Variants in NEK11 observed in about 807,000 individuals in gnomAD.
The protein encoded by NEK11 is NIMA related kinase 11.
In NEK11, 72 loss-of-function variants were observed where a neutral mutation model predicts 80.7. The ratio of observed to expected loss-of-function variants is 0.89; its 90% confidence interval spans 0.74 to 1.08. The LOEUF (loss-of-function observed/expected upper bound fraction) is 1.08. NEK11 is among the 50% of genes least tolerant of loss of function. The pLI is 0.00. For synonymous variants in NEK11, 251 were observed against 260.7 expected (o/e 0.96, Z 0.36); for missense variants, 764 against 763.6 (o/e 1.00, Z -0.01).
At chr3:131,324,394 A>AACTC (rs2096933390) in intron 17 of NEK11, among the ~76,000 whole-genome samples, 1 of 152,226 alleles carries the variant, frequency 6.6e-6, no homozygotes, top group Non-Finnish European at 1.5e-5. Context: ...CAGTCATGGG[A>AACTC]ACTCATCCTT....
chr3:131,074,972 A>G (rs1346636123), intron 3 of NEK11, among the ~76,000 whole-genome samples: 1 of 152,122 alleles, frequency 6.6e-6, no homozygotes, highest in East Asian at 1.9e-4. Context: ...GGCACATAGA[A>G]GATAGTTAAT....
At chr3:131,154,706 T>C (rs2149836752) in intron 9 of NEK11, among the ~76,000 whole-genome samples, 1 of 152,294 alleles carries the variant, frequency 6.6e-6, no homozygotes, top group East Asian at 1.9e-4. Flanking sequence ...CCTGGGAGTG[T>C]AGATACTGTC....
intron 4 of NEK11, among the ~76,000 whole-genome samples, chr3:131,083,453 G>A (rs1055680225): frequency 6.6e-6 from 1 of 152,230 alleles, no homozygotes; most frequent in Non-Finnish European, 1.5e-5. Context: ...GACTCCTGAG[G>A]AGTGACTTGC....
At chr3:131,325,877 A>T (rs988881037) in intron 17 of NEK11, 6 of 152,242 alleles carry the variant, frequency 3.9e-5, no homozygotes, top group African/African-American at 1.4e-4. Context: ...TTATGAAAAC[A>T]TACAGTTAGC....
intron 16 of NEK11, among the ~76,000 whole-genome samples, chr3:131,267,766 C>A (rs925398444): frequency 5.9e-5 from 9 of 152,088 alleles, no homozygotes; most frequent in African/African-American, 1.7e-4. Context: ...TTGCTCTTCT[C>A]GAGGAGTATC....
intron 4 of NEK11, among the ~76,000 whole-genome samples, chr3:131,096,871 G>A (rs1423292825): frequency 1.4e-5 from 2 of 141,402 alleles, no homozygotes; most frequent in African/African-American, 5.3e-5. Context: ...ATCTCCTAAT[G>A]CTATCCCTCC....
chr3:131,087,563 G>A (rs1447274219), intron 4 of NEK11, among the ~76,000 whole-genome samples: 1 of 152,010 alleles, frequency 6.6e-6, no homozygotes, highest in Non-Finnish European at 1.5e-5. Flanking sequence ...ACCACTAATA[G>A]GCCTGCTAGT....
intron 14 of NEK11, among the ~76,000 whole-genome samples, chr3:131,191,020 T>C (rs963820511): frequency 1.3e-5 from 2 of 152,196 alleles, no homozygotes; most frequent in Non-Finnish European, 2.9e-5. Context: ...CCTCTTCACA[T>C]TGTTATAATT....
intron 15 of NEK11, among the ~76,000 whole-genome samples, chr3:131,238,719 A>G (rs2095474435): frequency 1.3e-5 from 2 of 152,138 alleles, no homozygotes; most frequent in Admixed American, 6.6e-5. Context: ...GGAAAGCTCC[A>G]GGTCATGAAA....
intron 14 of NEK11, among the ~76,000 whole-genome samples, chr3:131,215,271 T>G (rs6807331): frequency 1.1e-5 from 1 of 88,712 alleles, no homozygotes; most frequent in East Asian, 4.5e-4. Flanking sequence ...CGGGGCCTGT[T>G]GTGGGGCGGG....
chr3:131,222,141 T>C (rs1454652495), intron 14 of NEK11, among the ~76,000 whole-genome samples: 1 of 152,316 alleles, frequency 6.6e-6, no homozygotes, highest in African/African-American at 2.4e-5. Context: ...ATGACCTTTC[T>C]GAAATGGTTT....
At chr3:131,252,716 C>T (rs2095732072) in intron 16 of NEK11, among the ~76,000 whole-genome samples, 1 of 152,078 alleles carries the variant, frequency 6.6e-6, no homozygotes, top group East Asian at 1.9e-4. Context: ...GCTTAAAATA[C>T]AGGTTTGGTA....
chr3:131,080,460 C>T lies in NEK11; in HGVS notation c.208C>T (p.Pro70Ser). 1 of 1,611,918 alleles carries T rather than the reference C, an allele frequency of 6.2e-7. No individual in the cohort carries two copies. Residue 70 changes from proline (P) to serine (S), a missense_variant, in exon 4 of 18, where the codon CCA (proline) becomes TCA (serine). Coordinates refer to ENST00000383366, the MANE Select transcript of NEK11 (RefSeq NM_024800.5). The stretch of plus-strand genomic sequence containing the variant: ...GGAAATATCTGTTGGAGAACTAAAT[C>T]CAAATGAAACTGTACAGGCCAATTT... ...LKEISVGELN[P>S]NETVQANLEA...
At chr3:131,285,100 G>C (rs2096454861) in intron 17 of NEK11, among the ~76,000 whole-genome samples, 1 of 152,144 alleles carries the variant, frequency 6.6e-6, no homozygotes, top group Admixed American at 6.6e-5. Context: ...AGCAATAAAA[G>C]CCTCATGTCA....
intron 3 of NEK11, among the ~76,000 whole-genome samples, chr3:131,065,589 G>T (rs570390379): frequency 5.3e-5 from 8 of 152,222 alleles, no homozygotes; most frequent in African/African-American, 1.9e-4. Context: ...TTGAATTGGG[G>T]TGGTGGGGGA....
intron 3 of NEK11, among the ~76,000 whole-genome samples, chr3:131,034,024 A>G (rs1553801530): frequency 6.6e-6 from 1 of 152,242 alleles, no homozygotes; most frequent in Non-Finnish European, 1.5e-5. Flanking sequence ...TCATAGTCCT[A>G]AAAAGATTGT....
At chr3:131,226,554 A>G (rs1018092233) in intron 14 of NEK11, among the ~76,000 whole-genome samples, 1 of 152,198 alleles carries the variant, frequency 6.6e-6, no homozygotes, top group Admixed American at 6.5e-5. Flanking sequence ...GGAGGCCATT[A>G]TTCTAAGTGA....
intron 4 of NEK11, chr3:131,088,182 A>G (rs1237217908): frequency 6.6e-6 from 1 of 152,206 alleles, no homozygotes; most frequent in Non-Finnish European, 1.5e-5. Context: ...TGTCAATTCT[A>G]TGGGTCTAGA....
At chr3:131,336,200 G>A (rs1474115755) in intron 17 of NEK11, among the ~76,000 whole-genome samples, 164 of 152,190 alleles carry the variant, frequency 1.1e-3, no homozygotes, top group South Asian at 3.9e-3. Flanking sequence ...GAGGCATCAC[G>A]CTACCTGACT....
Sources: allele counts gnomAD v4.1 joint callset (sites outside exome capture counted in the v4.1 genomes callset), GRCh38; gene constraint gnomAD v4.1.1; transcripts MANE v1.5; gene names NCBI Gene and HGNC (gene_info 2026-07-23, HGNC 2026-07-21).